Variants in CDYL observed in about 807,000 individuals in gnomAD.
CDYL encodes chromodomain Y-like protein.
In CDYL, 8 loss-of-function variants were observed where a neutral mutation model predicts 47.3. The observed-to-expected ratio is 0.17, with a 90% confidence interval of 0.10 to 0.31. The LOEUF is 0.31. CDYL is among the 10% of genes least tolerant of loss of function. The pLI, the probability that CDYL is intolerant of heterozygous loss-of-function variation, is 1.00. For missense variants in CDYL, 471 were observed against 701.4 expected (o/e 0.67, Z 3.71); for synonymous variants, 266 against 265.0 (o/e 1.00, Z -0.04).
chr6:4,756,670 C>CCATCTTCTA (rs1488920253), intron 3 of CDYL, among the ~76,000 whole-genome samples: 2 of 151,412 alleles, frequency 1.3e-5, no homozygotes, highest in Non-Finnish European at 2.9e-5. Context: ...TGAATTACAA[C>CCATCTTCTA]CATCTTCTAC....
chr6:4,724,291 T>C (rs1757442913), intron 2 of CDYL: 1 of 151,994 alleles, frequency 6.6e-6, no homozygotes, highest in Non-Finnish European at 1.5e-5. Context: ...CTTCATATAA[T>C]CCACCCACCT....
intron 1 of CDYL, among the ~76,000 whole-genome samples, chr6:4,800,096 T>A (rs939140396): frequency 8.5e-5 from 13 of 152,306 alleles, no homozygotes; most frequent in Middle Eastern, 3.4e-3. Flanking sequence ...CTTGCCTTTT[T>A]AAAATAATCG....
intron 1 of CDYL, among the ~76,000 whole-genome samples, chr6:4,787,765 C>T (rs200227500): frequency 7.6e-4 from 53 of 69,412 alleles, no homozygotes; most frequent in Admixed American, 2.3e-3. Flanking sequence ...AAATTCAAGT[C>T]TTTTTTTTTT....
chr6:4,827,510 T>A (rs557161775), intron 1 of CDYL, among the ~76,000 whole-genome samples: 223 of 152,346 alleles, frequency 1.5e-3, no homozygotes, highest in African/African-American at 5.1e-3. Flanking sequence ...ACAATTGATG[T>A]TGTTGTTTAA....
intron 1 of CDYL, among the ~76,000 whole-genome samples, chr6:4,798,274 G>A (rs1759132017): frequency 6.6e-6 from 1 of 152,074 alleles, no homozygotes; most frequent in Non-Finnish European, 1.5e-5. Flanking sequence ...TGCCTTGCCA[G>A]ACATCTTTTA....
intron 2 of CDYL, among the ~76,000 whole-genome samples, chr6:4,895,940 C>T (rs1762270462): frequency 6.6e-6 from 1 of 152,250 alleles, no homozygotes; most frequent in South Asian, 2.1e-4. Context: ...AATTATTTTA[C>T]CTTGTTGTGC....
intron 1 of CDYL, among the ~76,000 whole-genome samples, chr6:4,869,689 C>T (rs73348319): frequency 0.022 from 3,348 of 152,062 alleles, 77 homozygotes; most frequent in East Asian, 0.085. Flanking sequence ...TAATAACTAC[C>T]CTAATTCTAG....
At chr6:4,746,360 CA>C (rs1157122372) in intron 3 of CDYL, among the ~76,000 whole-genome samples, 35,207 of 95,052 alleles carry the variant, frequency 0.37, 4,974 homozygotes, top group African/African-American at 0.52. Flanking sequence ...CAGACTCTCT[CA>C]AAAAAAAAAA....
intron 2 of CDYL, among the ~76,000 whole-genome samples, chr6:4,730,692 AAAAAAAAAG>A (rs1182000121): frequency 9.8e-5 from 14 of 142,646 alleles, no homozygotes; most frequent in African/African-American, 3.7e-4. Flanking sequence ...AAAAAAAAAA[AAAAAAAAAG>A]AACATACCTC....
intron 2 of CDYL, among the ~76,000 whole-genome samples, chr6:4,731,522 C>A (rs557797784): frequency 6.6e-6 from 1 of 152,310 alleles, no homozygotes; most frequent in African/African-American, 2.4e-5. Flanking sequence ...CCTGGCCGGG[C>A]ATGGTGGCTC....
chr6:4,900,789 A>G (rs1277667902), intron 2 of CDYL, among the ~76,000 whole-genome samples: 8,505 of 45,960 alleles, frequency 0.19, 2,046 homozygotes, highest in East Asian at 0.3. Flanking sequence ...GTATATATAT[A>G]TATATATATA....
At chr6:4,767,717 T>C (rs1483902404) in intron 3 of CDYL, among the ~76,000 whole-genome samples, 1 of 152,174 alleles carries the variant, frequency 6.6e-6, no homozygotes, top group Non-Finnish European at 1.5e-5. Flanking sequence ...GCTTTCCCTC[T>C]GTAATAAAAA....
chr6:4,929,137 A>G (rs1304813620), intron 2 of CDYL, among the ~76,000 whole-genome samples: 1 of 151,202 alleles, frequency 6.6e-6, no homozygotes, highest in African/African-American at 2.4e-5. Context: ...GCTGGTACAA[A>G]CTCTCTCAGC....
chr6:4,925,413 T>TC (rs202167788), intron 2 of CDYL, among the ~76,000 whole-genome samples: 2,528 of 130,566 alleles, frequency 0.019, 81 homozygotes, highest in African/African-American at 0.075. Flanking sequence ...TTTTTTCTTT[T>TC]TTTTTTTTTT....
chr6:4,946,432 G>A (rs1758517881), intron 5 of CDYL, among the ~76,000 whole-genome samples: 1 of 152,166 alleles, frequency 6.6e-6, no homozygotes, highest in Non-Finnish European at 1.5e-5. Flanking sequence ...AGGCCTGCTG[G>A]ATGAGGCTCT....
chr6:4,848,739 T>C (rs1760737301), intron 1 of CDYL, among the ~76,000 whole-genome samples: 1 of 152,238 alleles, frequency 6.6e-6, no homozygotes, highest in African/African-American at 2.4e-5. Context: ...TTTTAGGACA[T>C]GCTAAGGATT....
At chr6:4,715,665 G>A (rs765927773) in intron 1 of CDYL, 117 of 1,391,850 alleles carry the variant, frequency 8.4e-5, no homozygotes, top group Admixed American at 5.0e-4. Flanking sequence ...ACTGGTGAAA[G>A]TCATTAAATG....
chr6:4,769,369 T>C (rs973926218), intron 3 of CDYL, among the ~76,000 whole-genome samples: 1 of 152,200 alleles, frequency 6.6e-6, no homozygotes, highest in Non-Finnish European at 1.5e-5. Context: ...AAATAGTGAA[T>C]AGAATATGGT....
intron 4 of CDYL, among the ~76,000 whole-genome samples, chr6:4,943,338 T>C (rs1758416257): frequency 6.6e-6 from 1 of 152,176 alleles, no homozygotes; most frequent in African/African-American, 2.4e-5. Context: ...AGCCACTACA[T>C]GCGTGGGCTC....
Sources: allele counts gnomAD v4.1 joint callset (sites outside exome capture counted in the v4.1 genomes callset), GRCh38; gene constraint gnomAD v4.1.1; transcripts MANE v1.5; gene names NCBI Gene and HGNC (gene_info 2026-07-23, HGNC 2026-07-21).